The following GALNTL6 variants were observed in gnomAD, a reference collection of about 807,000 sequenced individuals.
GALNTL6 encodes the protein polypeptide N-acetylgalactosaminyltransferase like 6.
Under a neutral mutation model 73.7 loss-of-function variants are expected in GALNTL6, and 46 were observed. The observed-to-expected ratio is 0.62, with a 90% CI of 0.49 to 0.80. GALNTL6 has a LOEUF of 0.80. Among genes scored for constraint, GALNTL6 ranks in the 30% least tolerant of loss-of-function variants. The probability of loss-of-function intolerance (pLI) is 0.00; values close to 1 mark genes in which losing one functional copy is unlikely to be tolerated. For synonymous variants in GALNTL6, 259 were observed against 263.7 expected, an observed-to-expected ratio of 0.98 and a Z score of 0.17; for missense variants, 604 against 755.0, an observed-to-expected ratio of 0.80 and a Z score of 2.34.
chr4:172,616,299 G>GT (rs1242416054), intron 5 of GALNTL6, among the ~76,000 whole-genome samples: 1 of 151,966 alleles, frequency 6.6e-6, no homozygotes, highest in African/African-American at 2.4e-5. Context: ...CAGTTGTTTG[G>GT]TTTTTTGTTT....
intron 5 of GALNTL6, among the ~76,000 whole-genome samples, chr4:172,357,694 G>T (rs977067433): frequency 3.5e-5 from 5 of 144,808 alleles, no homozygotes; most frequent in Admixed American, 2.1e-4. Flanking sequence ...ATGATGCTTT[G>T]TAAACTTGTG....
chr4:172,010,942 T>C (rs1230224594), intron 2 of GALNTL6, among the ~76,000 whole-genome samples: 1 of 152,084 alleles, frequency 6.6e-6, no homozygotes, highest in East Asian at 1.9e-4. Flanking sequence ...GGATGCTATA[T>C]ATTCCCATAT....
In GALNTL6 at chr4:171,914,453, T is replaced by G. The variant is rs1375500324; in HGVS notation, c.138+99735T>G. ...CTTTTTTTTTTTTTTTTTTTTGAGA[T>G]GGAGTCTTGTTCTGTCGCCCAGGCT... On this transcript the variant is annotated intron_variant, in intron 2 of 12. Transcript: ENST00000506823. Among the ~76,000 whole-genome samples the G allele has an allele frequency of 4.9e-5, 7 of 141,924 alleles. No individual in the cohort carries two copies. In the South Asian group the frequency reaches 1.1e-3, roughly 23 times the overall value. The allele number at this position is 141,924 out of a possible 152,430, so 93.1% of individuals were successfully genotyped here.
chr4:172,473,571 C>T (rs917407955), intron 5 of GALNTL6, among the ~76,000 whole-genome samples: 1 of 152,190 alleles, frequency 6.6e-6, no homozygotes, highest in Non-Finnish European at 1.5e-5. Context: ...GGTGATGACA[C>T]ATATATACAA....
At chr4:171,994,410 A>C (rs530880620) in intron 2 of GALNTL6, among the ~76,000 whole-genome samples, 6 of 152,264 alleles carry the variant, frequency 3.9e-5, no homozygotes, top group Admixed American at 3.9e-4. Context: ...TATCCTACCC[A>C]TTCACTAGCT....
chr4:172,707,446 A>G (rs1436267735), intron 5 of GALNTL6, among the ~76,000 whole-genome samples: 1 of 152,200 alleles, frequency 6.6e-6, no homozygotes, highest in Non-Finnish European at 1.5e-5. Context: ...AGAAAAAGCA[A>G]AAGATTAAAT....
At chr4:172,002,317 C>G (rs1740699206) in intron 2 of GALNTL6, among the ~76,000 whole-genome samples, 1 of 152,040 alleles carries the variant, frequency 6.6e-6, no homozygotes, top group African/African-American at 2.4e-5. Flanking sequence ...GCAATTAGTG[C>G]CCTTATAAAA....
intron 5 of GALNTL6, among the ~76,000 whole-genome samples, chr4:172,641,569 C>A (rs953506393): frequency 1.3e-5 from 2 of 152,050 alleles, no homozygotes; most frequent in African/African-American, 4.8e-5. Context: ...CCTTCACCTT[C>A]TTCAAGACTT....
At chr4:173,034,071 T>C (rs1753581268) in intron 12 of GALNTL6, among the ~76,000 whole-genome samples, 1 of 152,198 alleles carries the variant, frequency 6.6e-6, no homozygotes, top group Admixed American at 6.5e-5. Flanking sequence ...CAGCTTTTCC[T>C]CTAGACATCC....
chr4:171,969,723 A>G lies in GALNTL6; in HGVS notation c.138+155005A>G, dbSNP rs544604623. Among the ~76,000 whole-genome samples the G allele has an allele frequency of 3.2e-4, 48 of 152,202 alleles. 1 individual carries two copies. The highest frequency in any genetic ancestry group is 6.3e-4 in the Non-Finnish European group (43 of 68,002). ...GGTATGGTTTCAGACTTCTAAAACTAAATGGAGGCAAACATAGGCTACATA... is the reference window on the plus strand; with the variant it reads ...GGTATGGTTTCAGACTTCTAAAACTGAATGGAGGCAAACATAGGCTACATA... On this transcript the variant is annotated intron_variant, in intron 2 of 12. Transcript: ENST00000506823.
intron 5 of GALNTL6, among the ~76,000 whole-genome samples, chr4:172,732,669 T>A (rs1287812909): frequency 6.6e-6 from 1 of 152,216 alleles, no homozygotes; most frequent in Non-Finnish European, 1.5e-5. Context: ...TTTAATTTAT[T>A]GCTTTTTATT....
chr4:172,870,596 T>A (rs1027049060), intron 7 of GALNTL6, among the ~76,000 whole-genome samples: 2 of 152,204 alleles, frequency 1.3e-5, no homozygotes, highest in Non-Finnish European at 2.9e-5. Flanking sequence ...AGGTTTGACA[T>A]GAAATGAAAA....
chr4:172,720,279 T>C (rs547656878), intron 5 of GALNTL6, among the ~76,000 whole-genome samples: 3 of 152,230 alleles, frequency 2.0e-5, no homozygotes, highest in Admixed American at 6.5e-5. Context: ...CAGGGTTTTA[T>C]TGAGTGAAAA....
Position 172,123,319 on chromosome 4 carries a change from CAT to C in GALNTL6, c.139-106335_139-106334del, listed in dbSNP as rs1042021223. Among the ~76,000 whole-genome samples, 7 of 152,220 alleles carry C rather than the reference CAT, an allele frequency of 4.6e-5. No homozygotes were observed. The East Asian group carries it at 1.4e-3, about 29-fold the overall frequency. ...ACATATTACCACAAGAATACCCACACATAGTTTCCAAATTTCAGAGGGATCAA... is the reference window on the plus strand; with the variant it reads ...ACATATTACCACAAGAATACCCACACAGTTTCCAAATTTCAGAGGGATCAA... On this transcript the variant is annotated intron_variant, in intron 2 of 12. Transcript: ENST00000506823.
chr4:172,673,260 A>G (rs1732091589), intron 5 of GALNTL6, among the ~76,000 whole-genome samples: 1 of 151,714 alleles, frequency 6.6e-6, no homozygotes, highest in Non-Finnish European at 1.5e-5. Context: ...AGGTTATTCA[A>G]TTTTCATGTA....
intron 10 of GALNTL6, among the ~76,000 whole-genome samples, chr4:172,981,796 C>CTTT (rs56273122): frequency 1.4e-4 from 14 of 101,794 alleles, no homozygotes; most frequent in East Asian, 3.1e-4. Context: ...GTATGAACGT[C>CTTT]TTTTTTTTTT....
intron 7 of GALNTL6, among the ~76,000 whole-genome samples, chr4:172,853,899 A>C (rs993507295): frequency 2.0e-5 from 3 of 151,890 alleles, no homozygotes; most frequent in African/African-American, 4.8e-5. Flanking sequence ...AGATTCAATG[A>C]CCTCTAATAT....
intron 5 of GALNTL6, among the ~76,000 whole-genome samples, chr4:172,481,379 A>C (rs1733463426): frequency 6.6e-6 from 1 of 151,982 alleles, no homozygotes; most frequent in East Asian, 1.9e-4. Flanking sequence ...GACGTATTGC[A>C]AAGAGCAAAA....
At chr4:171,838,104 C>G (rs572828218) in intron 2 of GALNTL6, among the ~76,000 whole-genome samples, 1 of 142,546 alleles carries the variant, frequency 7.0e-6, no homozygotes, top group East Asian at 2.0e-4. Flanking sequence ...TTCATTGTTT[C>G]TGTCTATTTA....
Sources: allele counts gnomAD v4.1 joint callset (sites outside exome capture counted in the v4.1 genomes callset), GRCh38; gene constraint gnomAD v4.1.1; transcripts MANE v1.5; gene names NCBI Gene and HGNC (gene_info 2026-07-23, HGNC 2026-07-21).